CADM2: variants seen among roughly 807,000 people sequenced by gnomAD.
CADM2 encodes the protein immunoglobulin superfamily member 4D.
A neutral mutation model predicts 49.8 loss-of-function variants in CADM2; 12 were observed. The ratio of observed to expected loss-of-function variants is 0.24; its 90% confidence interval spans 0.15 to 0.39. The LOEUF is 0.39. Among genes scored for constraint, CADM2 ranks in the 10% least tolerant of loss-of-function variants. The probability of loss-of-function intolerance (pLI) is 1.00; values close to 1 mark genes in which losing one functional copy is unlikely to be tolerated. For missense variants in CADM2, 378 were observed against 492.3 expected, an observed-to-expected ratio of 0.77 and a Z score of 2.20; for synonymous variants, 214 against 175.4, an observed-to-expected ratio of 1.22 and a Z score of -1.74.
intron 1 of CADM2, among the ~76,000 whole-genome samples, chr3:85,676,875 T>C (rs547446712): frequency 4.3e-4 from 65 of 152,258 alleles, no homozygotes; most frequent in Admixed American, 1.2e-3. Flanking sequence ...AAATCCCTTT[T>C]CAAACATAGT....
intron 3 of CADM2, among the ~76,000 whole-genome samples, chr3:85,851,793 G>T (rs971567324): frequency 6.6e-6 from 1 of 151,694 alleles, no homozygotes; most frequent in Non-Finnish European, 1.5e-5. Context: ...AGAATCTATA[G>T]ATCTATGTAT....
At chr3:85,579,253 C>A (rs531541237) in intron 1 of CADM2, among the ~76,000 whole-genome samples, 3 of 152,130 alleles carry the variant, frequency 2.0e-5, no homozygotes, top group Non-Finnish European at 4.4e-5. Context: ...CATTCTTCCT[C>A]ATTTTGTTAT....
chr3:85,549,385 C>T (rs1292744270), intron 1 of CADM2, among the ~76,000 whole-genome samples: 1 of 152,060 alleles, frequency 6.6e-6, no homozygotes, highest in Non-Finnish European at 1.5e-5. Flanking sequence ...CAGGTGTTTG[C>T]GGTTAATTTT....
At chr3:85,826,819 C>T (rs73845686) in intron 3 of CADM2, among the ~76,000 whole-genome samples, 2,524 of 151,944 alleles carry the variant, frequency 0.017, 69 homozygotes, top group African/African-American at 0.058. Context: ...TTTTGTTAAA[C>T]GGAGAGCTCT....
At chr3:85,687,301 T>C (rs911994996) in intron 1 of CADM2, among the ~76,000 whole-genome samples, 1 of 152,134 alleles carries the variant, frequency 6.6e-6, no homozygotes, top group Admixed American at 6.5e-5. Context: ...AAGAATGCCA[T>C]TAAAATAAAT....
chr3:85,250,268 G>T (rs1475812830), intron 1 of CADM2, among the ~76,000 whole-genome samples: 2 of 151,418 alleles, frequency 1.3e-5, no homozygotes, highest in Non-Finnish European at 3.0e-5. Flanking sequence ...GAAATTATTT[G>T]TATTATAAGA....
chr3:85,063,872 ACTCTAACGCATTAGCAG>A (rs1351434841), intron 1 of CADM2, among the ~76,000 whole-genome samples: 1 of 152,016 alleles, frequency 6.6e-6, no homozygotes, highest in Non-Finnish European at 1.5e-5. Flanking sequence ...CTGACAGCTC[ACTCTAACGCATTAGCAG>A]CTTCCTCCTG....
At chr3:85,067,121 T>C (rs1158126539) in intron 1 of CADM2, among the ~76,000 whole-genome samples, 1 of 152,184 alleles carries the variant, frequency 6.6e-6, no homozygotes, top group African/African-American at 2.4e-5. Flanking sequence ...TACTGGCTTA[T>C]TGATTGGATT....
At chr3:86,012,389 T>TCA (rs754307255) in intron 8 of CADM2, among the ~76,000 whole-genome samples, 4 of 152,220 alleles carry the variant, frequency 2.6e-5, no homozygotes, top group Non-Finnish European at 5.9e-5. Context: ...GTTGTCATGG[T>TCA]CACACACAAT....
chr3:85,920,709 G>A (rs981234442), intron 6 of CADM2, among the ~76,000 whole-genome samples: 16 of 151,352 alleles, frequency 1.1e-4, no homozygotes, highest in Non-Finnish European at 2.2e-4. Context: ...TGAATCATCA[G>A]GTATTTTAAG....
chr3:85,791,736 G>A (rs1195540483), intron 2 of CADM2, among the ~76,000 whole-genome samples: 1 of 151,350 alleles, frequency 6.6e-6, no homozygotes, highest in East Asian at 1.9e-4. Flanking sequence ...TTGTTTGTTT[G>A]TTTTTGAGAC....
chr3:85,279,299 A>G (rs189230709), intron 1 of CADM2, among the ~76,000 whole-genome samples: 28 of 151,638 alleles, frequency 1.8e-4, no homozygotes, highest in Non-Finnish European at 3.1e-4. Context: ...AGTACATTGT[A>G]ATAGTGGATC....
chr3:85,294,808 T>C (rs2043910399), intron 1 of CADM2, among the ~76,000 whole-genome samples: 1 of 152,136 alleles, frequency 6.6e-6, no homozygotes, highest in South Asian at 2.1e-4. Context: ...ATTAAAGACT[T>C]AAACGTTAGA....
chr3:85,623,143 G>A (rs1178750068), intron 1 of CADM2, among the ~76,000 whole-genome samples: 1 of 152,102 alleles, frequency 6.6e-6, no homozygotes, highest in African/African-American at 2.4e-5. Flanking sequence ...TGGACAAAAT[G>A]TCACTTAACA....
chr3:85,403,843 C>T (rs891200594), intron 1 of CADM2, among the ~76,000 whole-genome samples: 1 of 152,040 alleles, frequency 6.6e-6, no homozygotes, highest in Non-Finnish European at 1.5e-5. Context: ...AGGACAATGG[C>T]TATGTTGGTA....
intron 2 of CADM2, among the ~76,000 whole-genome samples, chr3:85,740,588 T>C (rs935863509): frequency 2.0e-4 from 31 of 152,318 alleles, no homozygotes; most frequent in African/African-American, 6.7e-4. Context: ...CTTGCAACTA[T>C]AAAGAATATG....
At chr3:85,222,880 A>G (rs1361114070) in intron 1 of CADM2, among the ~76,000 whole-genome samples, 2 of 152,138 alleles carry the variant, frequency 1.3e-5, no homozygotes, top group Non-Finnish European at 2.9e-5. Context: ...TCATTTATAC[A>G]TACCTATTTT....
chr3:85,445,922 G>A (rs1046558811), intron 1 of CADM2, among the ~76,000 whole-genome samples: 1 of 152,098 alleles, frequency 6.6e-6, no homozygotes, highest in Admixed American at 6.6e-5. Flanking sequence ...TTATTAGACT[G>A]TATTGCAAAT....
intron 5 of CADM2, among the ~76,000 whole-genome samples, chr3:85,898,467 C>A (rs1715578947): frequency 6.6e-6 from 1 of 152,068 alleles, no homozygotes; most frequent in Admixed American, 6.6e-5. Context: ...TGCCCACTCT[C>A]TACCTCAGTC....
Sources: allele counts gnomAD v4.1 joint callset (sites outside exome capture counted in the v4.1 genomes callset), GRCh38; gene constraint gnomAD v4.1.1; transcripts MANE v1.5; gene names NCBI Gene and HGNC (gene_info 2026-07-23, HGNC 2026-07-21).